The following PHKA2 variants were observed in gnomAD, a reference collection of about 807,000 sequenced individuals.
PHKA2 encodes phosphorylase b kinase regulatory subunit alpha, liver isoform.
PHKA2 carries 31 observed loss-of-function variants against 102.0 expected under a neutral mutation model. That is an observed-to-expected ratio of 0.30 (90% confidence interval 0.23 to 0.41). PHKA2 has a LOEUF of 0.41. Among genes scored for constraint, PHKA2 ranks in the 10% least tolerant of loss-of-function variants. The probability of loss-of-function intolerance (pLI) is 1.00; values close to 1 mark genes in which losing one functional copy is unlikely to be tolerated. For missense variants in PHKA2, 858 were observed against 1,023.1 expected (o/e 0.84, Z 2.20); for synonymous variants, 455 against 416.2 (o/e 1.09, Z -1.13).
intron 13 of PHKA2, 100 bp downstream of exon 13, chrX:18,929,128 C>A: frequency 1.7e-6 from 1 of 598,868 alleles, no homozygotes. Context: ...TAGGCACATA[C>A]ACACTTTAAA....
chrX:18,936,990 A>G (rs889896675), intron 10 of PHKA2, among the ~76,000 whole-genome samples: 6 of 111,956 alleles, frequency 5.4e-5, no homozygotes, highest in Non-Finnish European at 9.4e-5. Context: ...AGATCTTTCA[A>G]TTCTGGGATA....
At chrX:18,910,405 G>A (rs1454998784) in intron 20 of PHKA2, among the ~76,000 whole-genome samples, 2 of 111,925 alleles carry the variant, frequency 1.8e-5, no homozygotes, top group African/African-American at 6.5e-5. Context: ...GCCTGAGCCT[G>A]GAGGTTGAGG....
chrX:18,910,295 C>G (rs1482293002), intron 20 of PHKA2, among the ~76,000 whole-genome samples: 1 of 111,683 alleles, frequency 9.0e-6, no homozygotes, highest in African/African-American at 3.3e-5. Flanking sequence ...GTCTGGGCAA[C>G]ATGGTAAAAC....
intron 11 of PHKA2, among the ~76,000 whole-genome samples, chrX:18,935,292 G>A (rs2048375690): frequency 8.9e-6 from 1 of 112,107 alleles, no homozygotes; most frequent in Admixed American, 9.5e-5. Flanking sequence ...CATTTTCTTG[G>A]AACTGGACTG....
At chrX:18,902,901 G>A (rs1479971291) in intron 26 of PHKA2, 5 of 112,069 alleles carry the variant, frequency 4.5e-5, no homozygotes, top group Non-Finnish European at 5.6e-5. Flanking sequence ...AGCATGGTGA[G>A]ACCTCGTATC....
At chrX:18,922,105 G>A (rs1205377673) in intron 17 of PHKA2, among the ~76,000 whole-genome samples, 3 of 111,517 alleles carry the variant, frequency 2.7e-5, no homozygotes, top group African/African-American at 9.8e-5. Flanking sequence ...AATTAGCCAG[G>A]TGTGGTGGCA....
chrX:18,926,410 T>G, intron 14 of PHKA2, 43 bp downstream of exon 14: 1 of 1,102,200 alleles, frequency 9.1e-7, no homozygotes. Flanking sequence ...AGAACCGAGA[T>G]GCCCCCATGC....
chrX:18,894,363 C>A lies in PHKA2; in HGVS notation c.3378G>T (p.Ser1126=). ...CGGGCTGCGGCACGCGGTTCAGCAC[C>A]GATTCGACATGGACAGCAAACTTGA... ...HEIKFAVHVE[S]VLNRVPQPEY... The change falls in exon 32 of 33, where the codon TCG becomes TCT. Residue 1126 remains serine, a synonymous_variant. Coordinates refer to ENST00000379942, the MANE Select transcript of PHKA2 (RefSeq NM_000292.3). 8.3e-7 allele frequency: 1 copy of A among 1,211,765 alleles called. No homozygotes were observed. The highest frequency in any genetic ancestry group is 1.1e-6 in the Non-Finnish European group (1 of 895,477).
rs750959565 is a variant in PHKA2 at position 18,920,345 on chromosome X, G to A, written c.1794-144C>T. The A allele has an allele frequency of 1.8e-4, 89 of 499,110 alleles. 1 individual carries two copies. The South Asian group carries it at 2.1e-3, about 12-fold the overall frequency. 41.1% of individuals were successfully genotyped at this position (499,110 alleles called of 1,213,427 possible). A position where few individuals can be genotyped will look rare whatever the true frequency, so the allele number is the denominator to read the frequency against. On this transcript the variant is annotated intron_variant, in intron 17 of 32. Transcript: ENST00000379942. The stretch of plus-strand genomic sequence containing the variant: ...ACTCTGCAGATTGCCCCATATAAGC[G>A]GTCAGCCAAGACATTCAAACAAAAA...
intron 32 of PHKA2, 23 bp from the exon 33 acceptor site, chrX:18,893,678 G>A: frequency 8.4e-7 from 1 of 1,195,194 alleles, no homozygotes; most frequent in African/African-American, 1.7e-5. Flanking sequence ...AGGGCAGAGG[G>A]GACAATAAGC....
chrX:18,937,388 G>T (rs767085698), intron 10 of PHKA2, among the ~76,000 whole-genome samples: 4 of 111,272 alleles, frequency 3.6e-5, no homozygotes, highest in Non-Finnish European at 5.6e-5. Flanking sequence ...TAGGCACAGG[G>T]ACTATACCCG....
intron 1 of PHKA2, among the ~76,000 whole-genome samples, chrX:18,958,316 A>T (rs1234965870): frequency 9.0e-6 from 1 of 111,544 alleles, no homozygotes; most frequent in Non-Finnish European, 1.9e-5. Flanking sequence ...TCCATAGAAG[A>T]TACCTGTAAT....
intron 25 of PHKA2, 98 bp downstream of exon 25, chrX:18,906,397 C>T (rs973503892): frequency 1.2e-5 from 13 of 1,060,353 alleles, no homozygotes; most frequent in South Asian, 1.1e-4. Flanking sequence ...ATGCTGGGTT[C>T]GAGATAACCT....
chrX:18,965,626 G>A (rs751983695), intron 1 of PHKA2, among the ~76,000 whole-genome samples: 1 of 110,343 alleles, frequency 9.1e-6, no homozygotes, highest in African/African-American at 3.3e-5. Context: ...GACACGGAAG[G>A]CTACGAGACT....
intron 18 of PHKA2, among the ~76,000 whole-genome samples, chrX:18,919,229 C>T (rs977993728): frequency 1.8e-5 from 2 of 111,563 alleles, no homozygotes; most frequent in African/African-American, 3.3e-5. Context: ...AACTCCCAGC[C>T]CTAATTCCAA....
rs1337372206 is a variant in PHKA2 at position 18,895,523 on chromosome X, T to C, written c.3283-332A>G. Reference sequence around the variant, plus strand: ...CTGCGAGGCCCCTTTGGTGCCATAATAAAGGGGGATTTTCATGGCTCCTGC... The same window carrying C: ...CTGCGAGGCCCCTTTGGTGCCATAACAAAGGGGGATTTTCATGGCTCCTGC... On this transcript the variant is annotated intron_variant, in intron 30 of 32. Transcript: ENST00000379942. The C allele has an allele frequency of 1.8e-4, 50 of 283,288 alleles. 1 individual carries two copies. Among genetic ancestry groups the C allele is most frequent in the Non-Finnish European group, 1.8e-4 (29 of 158,674 alleles). The allele number at this position is 283,288 out of a possible 1,213,427, so 23.3% of individuals were successfully genotyped here. A position where few individuals can be genotyped will look rare whatever the true frequency, so the allele number is the denominator to read the frequency against.
intron 3 of PHKA2, among the ~76,000 whole-genome samples, chrX:18,951,741 T>C (rs1270229479): frequency 8.9e-6 from 1 of 111,787 alleles, no homozygotes; most frequent in Non-Finnish European, 1.9e-5. Flanking sequence ...GATCCTAGTA[T>C]AATGTTCTGT....
chrX:18,966,168 A>G (rs1315868077), intron 1 of PHKA2, among the ~76,000 whole-genome samples: 1 of 98,133 alleles, frequency 1.0e-5, no homozygotes, highest in Non-Finnish European at 2.1e-5. Context: ...GCTCACTACA[A>G]CCTCCACCTC....
chrX:18,932,575 A>T (rs2048333269), intron 11 of PHKA2, among the ~76,000 whole-genome samples: 1 of 110,161 alleles, frequency 9.1e-6, no homozygotes, highest in Non-Finnish European at 1.9e-5. Context: ...AAAATTTAAA[A>T]TTTTTTCAAT....
Sources: gnomAD v4.1 joint callset for allele counts (sites outside exome capture counted in the v4.1 genomes callset) on GRCh38, gnomAD v4.1.1 for gene constraint, MANE v1.5 for transcripts, NCBI Gene and HGNC (gene_info 2026-07-23, HGNC 2026-07-21) for gene names.